The following LHFPL3 variants were observed in gnomAD, a reference collection of about 807,000 sequenced individuals.
LHFPL3 encodes LHFPL tetraspan subfamily member 3.
In LHFPL3, 5 loss-of-function variants were observed where a neutral mutation model predicts 19.3. That is an observed-to-expected ratio of 0.26 (90% CI 0.14 to 0.54). The LOEUF is 0.54. Among genes scored for constraint, LHFPL3 ranks in the 20% least tolerant of loss-of-function variants. The pLI is 0.94. For missense variants in LHFPL3, 249 were observed against 307.4 expected (o/e 0.81, Z 1.42); for synonymous variants, 133 against 126.2 (o/e 1.05, Z -0.36).
chr7:104,378,499 G>C (rs1277498910), intron 1 of LHFPL3, among the ~76,000 whole-genome samples: 4 of 152,266 alleles, frequency 2.6e-5, no homozygotes, highest in Middle Eastern at 3.4e-3. Context: ...AAGCTGCTGT[G>C]AGTACTCATG....
At chr7:104,565,254 C>A (rs17138699) in intron 1 of LHFPL3, among the ~76,000 whole-genome samples, 16,024 of 152,096 alleles carry the variant, frequency 0.11, 1,734 homozygotes, top group African/African-American at 0.28. Flanking sequence ...TCTGTGGCTC[C>A]TAGATATTTT....
intron 2 of LHFPL3, among the ~76,000 whole-genome samples, chr7:104,848,070 G>A (rs983763641): frequency 6.6e-6 from 1 of 152,174 alleles, no homozygotes; most frequent in African/African-American, 2.4e-5. Context: ...TGGACAAATA[G>A]CACCACAAAG....
chr7:104,512,286 A>T (rs1793833077), intron 1 of LHFPL3, among the ~76,000 whole-genome samples: 1 of 151,918 alleles, frequency 6.6e-6, no homozygotes, highest in Non-Finnish European at 1.5e-5. Flanking sequence ...AGTATTTTAA[A>T]CAAGGGTAGG....
chr7:104,637,019 C>T (rs946057781), intron 1 of LHFPL3, among the ~76,000 whole-genome samples: 1 of 152,246 alleles, frequency 6.6e-6, no homozygotes. Flanking sequence ...ATAAAGATTC[C>T]CTTTTCTTCA....
rs528678111 is a variant in LHFPL3 at position 104,828,445 on chromosome 7, T to C, written c.683-77742T>C. ...CAGGTAGTGAACTCAGTAACTCAAA[T>C]CCAGCCCCTTCCTCTGGTCTCTTGT... is the stretch of plus-strand genomic sequence containing the variant. On this transcript the variant is annotated intron_variant, in intron 2 of 2. Coordinates refer to ENST00000424859, the MANE Select transcript of LHFPL3 (RefSeq NM_199000.3). Among the ~76,000 whole-genome samples the C allele has an allele frequency of 5.3e-5, 8 of 152,046 alleles. No homozygotes were observed. In the South Asian group the frequency reaches 1.7e-3, roughly 31 times the overall value.
At chr7:104,573,203 A>G (rs1399793534) in intron 1 of LHFPL3, among the ~76,000 whole-genome samples, 1 of 152,170 alleles carries the variant, frequency 6.6e-6, no homozygotes, top group Non-Finnish European at 1.5e-5. Context: ...ACCTGAGGTC[A>G]GGAGTGCAAG....
intron 1 of LHFPL3, among the ~76,000 whole-genome samples, chr7:104,632,471 A>G (rs1791661167): frequency 6.6e-6 from 1 of 152,218 alleles, no homozygotes; most frequent in Admixed American, 6.5e-5. Context: ...ATGTGAAGAA[A>G]TTTCTAATAG....
At chr7:104,414,914 G>A (rs1395654207) in intron 1 of LHFPL3, among the ~76,000 whole-genome samples, 1 of 152,154 alleles carries the variant, frequency 6.6e-6, no homozygotes, top group African/African-American at 2.4e-5. Context: ...GATTGCTGAG[G>A]ATGTGTTTGG....
At chr7:104,705,876 AAGCATAGGC>A (rs1282538820) in intron 1 of LHFPL3, among the ~76,000 whole-genome samples, 1 of 152,114 alleles carries the variant, frequency 6.6e-6, no homozygotes, top group Non-Finnish European at 1.5e-5. Flanking sequence ...CTCCTCACAG[AAGCATAGGC>A]AGCTCATGCA....
At chr7:104,847,855 A>C (rs1791340054) in intron 2 of LHFPL3, among the ~76,000 whole-genome samples, 1 of 152,256 alleles carries the variant, frequency 6.6e-6, no homozygotes, top group South Asian at 2.1e-4. Context: ...CACTTGATTT[A>C]ACATTTTGGT....
chr7:104,786,824 A>C (rs1227814377), intron 2 of LHFPL3, among the ~76,000 whole-genome samples: 4 of 152,142 alleles, frequency 2.6e-5, no homozygotes, highest in Non-Finnish European at 4.4e-5. Context: ...ACACAAGTTT[A>C]ATTACCAAAA....
At chr7:104,657,442 A>G (rs1467904395) in intron 1 of LHFPL3, among the ~76,000 whole-genome samples, 1 of 152,184 alleles carries the variant, frequency 6.6e-6, no homozygotes, top group African/African-American at 2.4e-5. Flanking sequence ...TGAAAATAAA[A>G]AGTCTAGATT....
chr7:104,587,031 T>G (rs375224363), intron 1 of LHFPL3, among the ~76,000 whole-genome samples: 22 of 152,190 alleles, frequency 1.4e-4, no homozygotes, highest in East Asian at 9.6e-4. Flanking sequence ...TTGCTCCCAT[T>G]GTGATGCCAA....
rs73181897 is a variant in LHFPL3, at chr7:104,828,178, G to A, written c.683-78009G>A. ...CCTGACTCATAAATTGGCCATGGAG[G>A]ACTCTTTCAGCAAAGGCCCACCCAG... On this transcript the variant is annotated intron_variant, in intron 2 of 2. Transcript: ENST00000424859. Among the ~76,000 whole-genome samples, 1,238 of 151,998 alleles carry A rather than the reference G, an allele frequency of 8.1e-3. 16 individuals are homozygous for A. The highest frequency in any genetic ancestry group is 0.013 in the Non-Finnish European group (892 of 68,026).
chr7:104,558,417 C>T (rs1407205406), intron 1 of LHFPL3, among the ~76,000 whole-genome samples: 1 of 151,626 alleles, frequency 6.6e-6, no homozygotes, highest in East Asian at 1.9e-4. Flanking sequence ...ATTTGCATTT[C>T]TCTGATGGCC....
At chr7:104,354,411 G>A (rs1004591315) in intron 1 of LHFPL3, among the ~76,000 whole-genome samples, 1 of 152,160 alleles carries the variant, frequency 6.6e-6, no homozygotes, top group Non-Finnish European at 1.5e-5. Context: ...TGGACCATAG[G>A]GCACACATAT....
At chr7:104,901,604 G>A (rs1187159873) in intron 2 of LHFPL3, among the ~76,000 whole-genome samples, 2 of 151,994 alleles carry the variant, frequency 1.3e-5, no homozygotes, top group African/African-American at 4.8e-5. Context: ...GTCTTGCTCT[G>A]TCATCCAGTC....
At chr7:104,451,571 C>T (rs992524167) in intron 1 of LHFPL3, among the ~76,000 whole-genome samples, 16 of 151,878 alleles carry the variant, frequency 1.1e-4, no homozygotes, top group African/African-American at 3.6e-4. Flanking sequence ...GGTAATCATA[C>T]CACACATATC....
intron 1 of LHFPL3, among the ~76,000 whole-genome samples, chr7:104,384,510 G>T (rs543870293): frequency 6.6e-6 from 1 of 152,216 alleles, no homozygotes; most frequent in South Asian, 2.1e-4. Context: ...GTATAGGCCG[G>T]GCATGGTGGC....
Sources: allele counts gnomAD v4.1 joint callset (sites outside exome capture counted in the v4.1 genomes callset), GRCh38; gene constraint gnomAD v4.1.1; transcripts MANE v1.5; gene names NCBI Gene and HGNC (gene_info 2026-07-23, HGNC 2026-07-21).